ZFHX3: variants seen among roughly 807,000 people sequenced by gnomAD.
ZFHX3 encodes zinc finger homeobox 3.
Under a neutral mutation model 279.1 loss-of-function variants are expected in ZFHX3, and 42 were observed. The observed-to-expected ratio is 0.15, with a 90% CI of 0.12 to 0.19. The LOEUF is 0.19. Among genes scored for constraint, ZFHX3 ranks in the 10% least tolerant of loss-of-function variants. The probability of loss-of-function intolerance (pLI) is 1.00; values close to 1 mark genes in which losing one functional copy is unlikely to be tolerated. For synonymous variants in ZFHX3, 2,293 were observed against 1,957.8 expected (o/e 1.17, Z -4.52); for missense variants, 4,981 against 4,754.0 (o/e 1.05, Z -1.40).
At chr16:73,079,290 CAAGGTGGGCAGA>C in intron 8 of ZFHX3, among the ~76,000 whole-genome samples, 1 of 151,772 alleles carries the variant, frequency 6.6e-6, no homozygotes, top group Non-Finnish European at 1.5e-5. Context: ...CTTGGGAGGC[CAAGGTGGGCAGA>C]TCACTTGAGG....
At chr16:73,510,994 G>A (rs1272840308) in intron 2 of ZFHX3, among the ~76,000 whole-genome samples, 12 of 152,244 alleles carry the variant, frequency 7.9e-5, no homozygotes, top group Admixed American at 7.2e-4. Flanking sequence ...ACCAGACAGG[G>A]CTTTGCCTTT....
At chr16:73,352,474 C>G (rs77850450) in intron 3 of ZFHX3, among the ~76,000 whole-genome samples, 3 of 53,274 alleles carry the variant, frequency 5.6e-5, no homozygotes, top group African/African-American at 1.7e-4. Flanking sequence ...CTCTCTCTCT[C>G]TTTTTTTTTT....
intron 3 of ZFHX3, among the ~76,000 whole-genome samples, chr16:72,913,637 G>A (rs1298422441): frequency 6.6e-6 from 1 of 152,128 alleles, no homozygotes; most frequent in East Asian, 1.9e-4. Flanking sequence ...TCTTTCTCCA[G>A]ACTTTACTCA....
chr16:73,854,970 C>T (rs1961686225), intron 1 of ZFHX3, among the ~76,000 whole-genome samples: 1 of 152,000 alleles, frequency 6.6e-6, no homozygotes, highest in African/African-American at 2.4e-5. Context: ...TTCAAAGGCC[C>T]TTGAGGTTGA....
intron 5 of ZFHX3, among the ~76,000 whole-genome samples, chr16:72,820,021 G>GC (rs1346974565): frequency 1.3e-5 from 2 of 152,166 alleles, no homozygotes; most frequent in Non-Finnish European, 2.9e-5. Context: ...CCTCGGTCAG[G>GC]CACCTGCAGG....
intron 2 of ZFHX3, among the ~76,000 whole-genome samples, chr16:73,672,628 C>T (rs1010779673): frequency 5.2e-5 from 7 of 134,568 alleles, no homozygotes; most frequent in South Asian, 2.7e-4. Context: ...TATTATTTTT[C>T]GAAAGAATAA....
At chr16:73,410,226 A>T (rs1051709639) in intron 3 of ZFHX3, among the ~76,000 whole-genome samples, 1 of 152,072 alleles carries the variant, frequency 6.6e-6, no homozygotes, top group Non-Finnish European at 1.5e-5. Flanking sequence ...GACCAGTCTG[A>T]CCAACATGGT....
At chr16:73,370,335 T>A (rs990858638) in intron 3 of ZFHX3, among the ~76,000 whole-genome samples, 4 of 152,230 alleles carry the variant, frequency 2.6e-5, no homozygotes, top group African/African-American at 4.8e-5. Flanking sequence ...TTGATTTTTT[T>A]ATTTTTATTT....
At chr16:73,173,780 T>C (rs1043155622) in intron 5 of ZFHX3, among the ~76,000 whole-genome samples, 1 of 152,132 alleles carries the variant, frequency 6.6e-6, no homozygotes, top group African/African-American at 2.4e-5. Flanking sequence ...GGATATACCC[T>C]GCCATTCCCA....
intron 7 of ZFHX3, among the ~76,000 whole-genome samples, chr16:73,109,848 CAAAACAAAAACAAAAACAAAAACA>C (rs56066135): frequency 4.6e-4 from 69 of 149,998 alleles, no homozygotes; most frequent in African/African-American, 1.6e-3. Context: ...GACTTGGTCT[CAAAACAAAAACAAAAACAAAAACA>C]AAAACAAAAA....
chr16:73,645,899 G>A (rs997362610), intron 2 of ZFHX3, among the ~76,000 whole-genome samples: 4 of 152,080 alleles, frequency 2.6e-5, no homozygotes, highest in South Asian at 2.1e-4. Flanking sequence ...GTACAGGGAC[G>A]ACCATATCTT....
At chr16:73,045,810 G>A (rs1329682843) in intron 1 of ZFHX3, among the ~76,000 whole-genome samples, 1 of 148,386 alleles carries the variant, frequency 6.7e-6, no homozygotes, top group Non-Finnish European at 1.5e-5. Context: ...AAAAGTGGGG[G>A]GGGGTTGTTG....
chr16:73,377,082 C>T (rs993093865), intron 3 of ZFHX3, among the ~76,000 whole-genome samples: 1 of 151,924 alleles, frequency 6.6e-6, no homozygotes, highest in African/African-American at 2.4e-5. Flanking sequence ...AGTGATTCTC[C>T]TGCCTCAGCC....
At chr16:73,762,711 C>A (rs1031348581) in intron 1 of ZFHX3, among the ~76,000 whole-genome samples, 3 of 152,134 alleles carry the variant, frequency 2.0e-5, no homozygotes, top group Non-Finnish European at 2.9e-5. Context: ...TTATCCTCAG[C>A]AAACTAACAT....
At chr16:73,438,651 T>C (rs952699250) in intron 3 of ZFHX3, among the ~76,000 whole-genome samples, 5 of 152,214 alleles carry the variant, frequency 3.3e-5, no homozygotes, top group African/African-American at 4.8e-5. Flanking sequence ...CTTGATATAG[T>C]GATAAAGTAG....
intron 5 of ZFHX3, among the ~76,000 whole-genome samples, chr16:73,182,211 C>A (rs964532529): frequency 5.3e-5 from 8 of 152,250 alleles, no homozygotes; most frequent in African/African-American, 1.7e-4. Flanking sequence ...AATCCAAGCA[C>A]TTTGGGAGGC....
chr16:73,020,160 G>T (rs1443543416), intron 1 of ZFHX3, among the ~76,000 whole-genome samples: 1 of 152,178 alleles, frequency 6.6e-6, no homozygotes, highest in Admixed American at 6.5e-5. Context: ...AGAGGCACCA[G>T]CAAGAGCCCT....
chr16:73,250,673 A>G (rs2013459002), intron 5 of ZFHX3, among the ~76,000 whole-genome samples: 1 of 151,960 alleles, frequency 6.6e-6, no homozygotes, highest in African/African-American at 2.4e-5. Flanking sequence ...AGTTGGGACT[A>G]CAGGTGCCCG....
chr16:73,820,239 A>G (rs917265429), intron 1 of ZFHX3, among the ~76,000 whole-genome samples: 3 of 151,918 alleles, frequency 2.0e-5, no homozygotes, highest in Admixed American at 6.6e-5. Flanking sequence ...ACAGGCGCCC[A>G]CCACCACACT....
Sources: allele counts gnomAD v4.1 joint callset (sites outside exome capture counted in the v4.1 genomes callset), GRCh38; gene constraint gnomAD v4.1.1; transcripts MANE v1.5; gene names NCBI Gene and HGNC (gene_info 2026-07-23, HGNC 2026-07-21).